The following PRKCB variants were observed in gnomAD, a reference collection of about 807,000 sequenced individuals.
PRKCB encodes the protein protein kinase C beta type.
In PRKCB, 13 loss-of-function variants were observed where a neutral mutation model predicts 81.5. That is an observed-to-expected ratio of 0.16 (90% CI 0.10 to 0.25). PRKCB has a LOEUF of 0.25. Among genes scored for constraint, PRKCB ranks in the 10% least tolerant of loss-of-function variants. The pLI is 1.00. For missense variants in PRKCB, 509 were observed against 875.7 expected, an observed-to-expected ratio of 0.58 and a Z score of 5.29; for synonymous variants, 335 against 321.4, an observed-to-expected ratio of 1.04 and a Z score of -0.45.
At chr16:23,991,183 T>C (rs1302931033) in intron 3 of PRKCB, among the ~76,000 whole-genome samples, 1 of 151,988 alleles carries the variant, frequency 6.6e-6, no homozygotes, top group African/African-American at 2.4e-5. Context: ...GGGGTGGGAG[T>C]TTGTGGGGAG....
chr16:24,117,175 A>G (rs986854282), intron 8 of PRKCB, among the ~76,000 whole-genome samples: 3 of 151,504 alleles, frequency 2.0e-5, no homozygotes, highest in African/African-American at 4.9e-5. Context: ...GCGATAACCA[A>G]TTAGCACCCG....
intron 2 of PRKCB, among the ~76,000 whole-genome samples, chr16:23,883,544 A>T (rs1380453054): frequency 6.6e-6 from 1 of 152,198 alleles, no homozygotes; most frequent in Non-Finnish European, 1.5e-5. Context: ...CACACCTTCC[A>T]TTGGCTGCCA....
intron 2 of PRKCB, among the ~76,000 whole-genome samples, chr16:23,946,838 T>A (rs1964209458): frequency 1.4e-5 from 2 of 146,708 alleles, no homozygotes; most frequent in South Asian, 4.4e-4. Flanking sequence ...ACACGTTTTC[T>A]TTCATTCTTT....
At chr16:24,180,967 T>C in intron 13 of PRKCB, 39 bp downstream of exon 13, 2 of 1,606,024 alleles carry the variant, frequency 1.2e-6, no homozygotes, top group African/African-American at 1.3e-5. Context: ...TGCGGTGATG[T>C]ACCCTCTGCT....
At chr16:24,123,690 C>A in intron 8 of PRKCB, 145 bp from the exon 9 acceptor site, 1 of 754,534 alleles carries the variant, frequency 1.3e-6, no homozygotes, top group Non-Finnish European at 2.1e-6. Context: ...AGGTTTCAGG[C>A]TTGTGGAGTG....
chr16:23,920,131 T>G (rs1370182072), intron 2 of PRKCB, among the ~76,000 whole-genome samples: 3 of 152,246 alleles, frequency 2.0e-5, no homozygotes, highest in Non-Finnish European at 4.4e-5. Flanking sequence ...TGCACAAGGA[T>G]TTTTCCACAT....
At chr16:24,063,378 T>C (rs1249495680) in intron 5 of PRKCB, among the ~76,000 whole-genome samples, 1 of 151,536 alleles carries the variant, frequency 6.6e-6, no homozygotes, top group Non-Finnish European at 1.5e-5. Context: ...CTCTACAACC[T>C]CCGCCTCCTG....
chr16:23,934,076 C>T (rs539794641), intron 2 of PRKCB, among the ~76,000 whole-genome samples: 5 of 150,512 alleles, frequency 3.3e-5, no homozygotes, highest in Middle Eastern at 3.4e-3. Flanking sequence ...TTTCTTTTTA[C>T]GAAACTTTCC....
At chr16:23,914,488 G>T (rs533483168) in intron 2 of PRKCB, among the ~76,000 whole-genome samples, 1 of 152,300 alleles carries the variant, frequency 6.6e-6, no homozygotes, top group African/African-American at 2.4e-5. Flanking sequence ...AGGCAGAATG[G>T]TGTTGGAACC....
At chr16:24,087,590 T>C (rs1196936487) in intron 5 of PRKCB, among the ~76,000 whole-genome samples, 3 of 152,250 alleles carry the variant, frequency 2.0e-5, no homozygotes, top group Admixed American at 1.3e-4. Context: ...ACTCACAATA[T>C]TGAGGAAAGT....
intron 5 of PRKCB, among the ~76,000 whole-genome samples, chr16:24,068,543 A>G (rs1966069436): frequency 6.6e-6 from 1 of 151,622 alleles, no homozygotes; most frequent in African/African-American, 2.4e-5. Context: ...TCAAAATTCC[A>G]GTTTCTTGAA....
intron 3 of PRKCB, among the ~76,000 whole-genome samples, chr16:24,030,975 A>C (rs1311737481): frequency 6.6e-6 from 1 of 152,040 alleles, no homozygotes; most frequent in East Asian, 1.9e-4. Flanking sequence ...GAGGCAGGAG[A>C]ATCACTTGAG....
chr16:24,125,770 T>G (rs191243534), intron 9 of PRKCB, among the ~76,000 whole-genome samples: 45 of 152,156 alleles, frequency 3.0e-4, no homozygotes, highest in Non-Finnish European at 5.1e-4. Context: ...TCTCTGTCTG[T>G]GGGTGGCAAG....
At position 23,897,726 on chromosome 16, in the gene PRKCB, A is replaced by G. The variant is rs150601163; in HGVS notation, c.205+60320A>G. On this transcript the variant is annotated intron_variant, in intron 2 of 16. Coordinates refer to ENST00000643927, the MANE Select transcript of PRKCB (RefSeq NM_002738.7). Reference sequence around the variant, plus strand: ...TCTTTAGCTGTGAAATGCGGAGAAGACTGGACTACTTGATCTCTCAACACT... The same window carrying G: ...TCTTTAGCTGTGAAATGCGGAGAAGGCTGGACTACTTGATCTCTCAACACT... Among the ~76,000 whole-genome samples the G allele has an allele frequency of 2.3e-3, 343 of 152,230 alleles. 2 individuals carry two copies. Among genetic ancestry groups the G allele is most frequent in the African/African-American group, 7.9e-3 (326 of 41,528 alleles).
intron 5 of PRKCB, among the ~76,000 whole-genome samples, chr16:24,074,779 A>G (rs567834811): frequency 6.6e-6 from 1 of 152,280 alleles, no homozygotes; most frequent in African/African-American, 2.4e-5. Context: ...CAACGGTCTA[A>G]GCTGCTTTGT....
chr16:23,925,222 A>G (rs1963879988), intron 2 of PRKCB, among the ~76,000 whole-genome samples: 2 of 152,098 alleles, frequency 1.3e-5, no homozygotes, highest in African/African-American at 4.8e-5. Context: ...TGACATTGTC[A>G]CTTCTTGGCT....
rs529465435 is a variant in PRKCB at position 24,130,561 on chromosome 16, A to G, written c.1065+6580A>G. Among the ~76,000 whole-genome samples the G allele has an allele frequency of 4.7e-3, 721 of 152,300 alleles. 5 individuals are homozygous for G. Among genetic ancestry groups the G allele is most frequent in the African/African-American group, 0.016 (673 of 41,566 alleles). ...CATCTGCTGTAACAAATAGACCCCC[A>G]AATATATACTGGCTCAGACACAATA... On this transcript the variant is annotated intron_variant, in intron 9 of 16. Coordinates refer to ENST00000643927, the MANE Select transcript of PRKCB (RefSeq NM_002738.7).
At position 23,911,825 on chromosome 16, in the gene PRKCB, C is replaced by CTT. The variant is rs1567311221; in HGVS notation, c.205+74419_205+74420insTT. 2.9e-4 allele frequency among the ~76,000 whole-genome samples: 37 copies of CTT among 126,376 alleles called. 8 individuals carry two copies. The highest frequency in any genetic ancestry group is 5.1e-4 in the South Asian group (2 of 3,906). 82.9% of individuals were successfully genotyped at this position (126,376 alleles called of 152,430 possible). Reference sequence around the variant, plus strand: ...CTTGTCCTGGGATATGCGCGACCCACATTTTTTTTTTTTTTTTTTTTTTTT... The same window carrying CTT: ...CTTGTCCTGGGATATGCGCGACCCACTTATTTTTTTTTTTTTTTTTTTTTTTT... On this transcript the variant is annotated intron_variant, in intron 2 of 16. Coordinates refer to ENST00000643927, the MANE Select transcript of PRKCB (RefSeq NM_002738.7).
Position 23,988,566 on chromosome 16 carries a change from C to A in PRKCB, c.264C>A (p.Gly88=). ...AATTTGTCACATTCTCCTGCCCTGGCGCTGACAAGGGTCCAGCCTCCGATG... is the reference window on the plus strand; with the variant it reads ...AATTTGTCACATTCTCCTGCCCTGGAGCTGACAAGGGTCCAGCCTCCGATG... ...CHEFVTFSCP[G]ADKGPASDDP... Residue 88 remains glycine, a synonymous_variant, in exon 3 of 17, where the codon GGC becomes GGA. Coordinates refer to ENST00000643927, the MANE Select transcript of PRKCB (RefSeq NM_002738.7). 3.7e-6 allele frequency: 6 copies of A among 1,614,036 alleles called. No homozygotes were observed. Among genetic ancestry groups the A allele is most frequent in the Non-Finnish European group, 5.1e-6 (6 of 1,179,932 alleles).
Sources: gnomAD v4.1 joint callset for allele counts (sites outside exome capture counted in the v4.1 genomes callset) on GRCh38, gnomAD v4.1.1 for gene constraint, MANE v1.5 for transcripts, NCBI Gene and HGNC (gene_info 2026-07-23, HGNC 2026-07-21) for gene names.